VMP1: variants seen among roughly 807,000 people sequenced by gnomAD.
VMP1 encodes the protein ectopic P-granules autophagy protein 3 homolog.
A neutral mutation model predicts 56.0 loss-of-function variants in VMP1; 11 were observed. The observed-to-expected ratio is 0.20, with a 90% CI of 0.12 to 0.32. The LOEUF (loss-of-function observed/expected upper bound fraction) is 0.32. Among genes scored for constraint, VMP1 ranks in the 10% least tolerant of loss-of-function variants. The pLI is 1.00. For synonymous variants in VMP1, 149 were observed against 165.0 expected (o/e 0.90, Z 0.74); for missense variants, 296 against 490.3 (o/e 0.60, Z 3.74).
At chr17:59,831,385 C>T (rs2038800434) in intron 10 of VMP1, among the ~76,000 whole-genome samples, 1 of 152,048 alleles carries the variant, frequency 6.6e-6, no homozygotes, top group South Asian at 2.1e-4. Context: ...GTTGCCCAGG[C>T]TGATCTCAAA....
At chr17:59,820,096 C>T (rs1214970793) in intron 10 of VMP1, among the ~76,000 whole-genome samples, 1 of 152,188 alleles carries the variant, frequency 6.6e-6, no homozygotes, top group East Asian at 1.9e-4. Context: ...CACTCCCTTT[C>T]TCCTCCTCTT....
chr17:59,772,950 C>CTTTTTTTTT lies in VMP1; in HGVS notation c.583-782_583-774dup, dbSNP rs1179269248. On this transcript the variant is annotated intron_variant, in intron 6 of 11. Transcript: ENST00000262291. ...TATCTAACACATATACTGGTGAATT[C>CTTTTTTTTT]TTTTTTTTTTTTTTTTTTTTTTTTT... Among the ~76,000 whole-genome samples, 81 of 55,718 alleles carry CTTTTTTTTT rather than the reference C, an allele frequency of 1.5e-3. 16 individuals are homozygous for CTTTTTTTTT. Among genetic ancestry groups the CTTTTTTTTT allele is most frequent in the African/African-American group, 4.1e-3 (53 of 12,784 alleles). The allele number at this position is 55,718 out of a possible 152,430, so 36.6% of individuals were successfully genotyped here.
At chr17:59,724,323 A>C (rs1217730771) in intron 1 of VMP1, among the ~76,000 whole-genome samples, 2 of 152,200 alleles carry the variant, frequency 1.3e-5, no homozygotes, top group African/African-American at 2.4e-5. Context: ...AGAATGAAAT[A>C]GTTGTCAAAG....
chr17:59,728,336 G>A (rs193125668), intron 1 of VMP1, among the ~76,000 whole-genome samples: 7 of 152,260 alleles, frequency 4.6e-5, no homozygotes, highest in Admixed American at 2.6e-4. Flanking sequence ...CATACAAAGT[G>A]TTCAGTTAGT....
intron 10 of VMP1, among the ~76,000 whole-genome samples, chr17:59,825,000 A>G (rs1457657686): frequency 1.3e-5 from 2 of 151,620 alleles, no homozygotes; most frequent in African/African-American, 4.8e-5. Flanking sequence ...GGTCTCGAAC[A>G]TGGCGAGACC....
At chr17:59,776,933 T>C (rs926510177) in intron 7 of VMP1, among the ~76,000 whole-genome samples, 6 of 152,216 alleles carry the variant, frequency 3.9e-5, no homozygotes, top group Non-Finnish European at 8.8e-5. Context: ...TTTTTAAACC[T>C]TTTTTTCTTA....
chr17:59,710,515 C>T (rs1224907158), intron 1 of VMP1, among the ~76,000 whole-genome samples: 1 of 152,192 alleles, frequency 6.6e-6, no homozygotes, highest in African/African-American at 2.4e-5. Context: ...CACGTAAATA[C>T]ACACATACGC....
intron 10 of VMP1, among the ~76,000 whole-genome samples, chr17:59,827,107 G>A (rs914112782): frequency 3.3e-5 from 5 of 152,098 alleles, no homozygotes; most frequent in Non-Finnish European, 5.9e-5. Flanking sequence ...CTTGAGGACA[G>A]AGATCATAAC....
intron 7 of VMP1, among the ~76,000 whole-genome samples, chr17:59,778,120 T>C (rs1412380098): frequency 6.6e-6 from 1 of 152,222 alleles, no homozygotes; most frequent in Non-Finnish European, 1.5e-5. Flanking sequence ...TTTTCTGCTG[T>C]TAACATATTT....
At chr17:59,769,781 T>A (rs535916966) in intron 6 of VMP1, among the ~76,000 whole-genome samples, 9 of 152,204 alleles carry the variant, frequency 5.9e-5, no homozygotes, top group Non-Finnish European at 1.0e-4. Context: ...GGCTGACAGT[T>A]TTCAGTGTTC....
At chr17:59,800,808 G>A (rs1361164497) in intron 7 of VMP1, among the ~76,000 whole-genome samples, 5 of 152,200 alleles carry the variant, frequency 3.3e-5, no homozygotes, top group South Asian at 4.1e-4. Context: ...CAGGCTGTGC[G>A]CAGTGGCTCA....
chr17:59,770,084 A>G (rs1255117694), intron 6 of VMP1, among the ~76,000 whole-genome samples: 1 of 152,202 alleles, frequency 6.6e-6, no homozygotes, highest in Non-Finnish European at 1.5e-5. Context: ...ATTAAACTAA[A>G]ATATAACAGT....
intron 7 of VMP1, among the ~76,000 whole-genome samples, chr17:59,790,237 T>A (rs1482371629): frequency 6.6e-6 from 1 of 152,200 alleles, no homozygotes; most frequent in Non-Finnish European, 1.5e-5. Flanking sequence ...AACTTCAAAA[T>A]ATGACTATCA....
intron 5 of VMP1, 71 bp from the exon 6 acceptor site, chr17:59,764,900 A>G (rs925380567): frequency 2.4e-5 from 28 of 1,171,802 alleles, no homozygotes; most frequent in Middle Eastern, 2.5e-4. Context: ...TAATTAATAT[A>G]TTTTTAAAAT....
At chr17:59,835,759 G>T (rs1392704033) in intron 10 of VMP1, among the ~76,000 whole-genome samples, 1 of 150,586 alleles carries the variant, frequency 6.6e-6, no homozygotes, top group South Asian at 2.1e-4. Context: ...CAAAGTGCTG[G>T]GATTACAGGC....
At chr17:59,736,627 C>A (rs1057273349) in intron 3 of VMP1, among the ~76,000 whole-genome samples, 1 of 151,740 alleles carries the variant, frequency 6.6e-6, no homozygotes, top group Admixed American at 6.6e-5. Context: ...GCCTGTAGTC[C>A]TAGCAACTTG....
chr17:59,804,184 A>G (rs1198646236), intron 7 of VMP1, among the ~76,000 whole-genome samples: 1 of 152,180 alleles, frequency 6.6e-6, no homozygotes, highest in African/African-American at 2.4e-5. Context: ...TTAAAACTAC[A>G]GAGCAACAAG....
At chr17:59,825,167 ACCTCTG>A (rs1226392234) in intron 10 of VMP1, among the ~76,000 whole-genome samples, 1 of 141,374 alleles carries the variant, frequency 7.1e-6, no homozygotes, top group Non-Finnish European at 1.5e-5. Flanking sequence ...ACCCACTGCA[ACCTCTG>A]CCTCCTGTGT....
intron 7 of VMP1, among the ~76,000 whole-genome samples, chr17:59,808,040 TG>T (rs1470194369): frequency 6.6e-6 from 1 of 152,180 alleles, no homozygotes; most frequent in Non-Finnish European, 1.5e-5. Context: ...GTCAAATATT[TG>T]TAGCATCAAC....
Sources: gnomAD v4.1 joint callset for allele counts (sites outside exome capture counted in the v4.1 genomes callset) on GRCh38, gnomAD v4.1.1 for gene constraint, MANE v1.5 for transcripts, NCBI Gene and HGNC (gene_info 2026-07-23, HGNC 2026-07-21) for gene names.